VWF: variants seen among roughly 807,000 people sequenced by gnomAD.
The protein encoded by VWF is Factor VIII related antigen.
VWF carries 176 observed loss-of-function variants against 308.6 expected under a neutral mutation model. The ratio of observed to expected loss-of-function variants is 0.57; its 90% CI spans 0.50 to 0.65. The LOEUF (loss-of-function observed/expected upper bound fraction) is 0.65. VWF is among the 30% of genes least tolerant of loss of function. VWF has a pLI of 0.00. For missense variants in VWF, 3,146 were observed against 3,648.2 expected (o/e 0.86, Z 3.55); for synonymous variants, 1,385 against 1,443.4 (o/e 0.96, Z 0.92).
chr12:5,978,382 C>T (rs1943555398), intron 42 of VWF, among the ~76,000 whole-genome samples: 1 of 152,156 alleles, frequency 6.6e-6, no homozygotes, highest in African/African-American at 2.4e-5. Context: ...CCTGCTTCAG[C>T]CTACAGAGTA....
chr12:5,988,444 G>C (rs887529623), intron 38 of VWF, among the ~76,000 whole-genome samples: 7 of 152,160 alleles, frequency 4.6e-5, no homozygotes, highest in African/African-American at 1.7e-4. Flanking sequence ...GAAGGAGAGA[G>C]TCATGTTCTG....
rs1218172394 is a variant in VWF, at chr12:6,058,374, C to T, written c.1534-330G>A. Reference sequence around the variant, plus strand: ...TTGCCTAAGGTCAGGGAGGTAGTGGCGGAGCTAGGGTGAGTAGGCAGGTTG... The same window carrying T: ...TTGCCTAAGGTCAGGGAGGTAGTGGTGGAGCTAGGGTGAGTAGGCAGGTTG... On this transcript the variant is annotated intron_variant, in intron 13 of 51. Transcript: ENST00000261405. The surrounding 1 kb of genome is among the most constrained non-coding windows in gnomAD (Gnocchi z 4.9). Among the ~76,000 whole-genome samples the T allele has an allele frequency of 3.3e-5, 5 of 152,150 alleles. No individual in the cohort carries two copies. The highest frequency in any genetic ancestry group is 1.9e-4 in the East Asian group (1 of 5,170).
intron 18 of VWF, among the ~76,000 whole-genome samples, chr12:6,039,210 A>G (rs1232411301): frequency 6.6e-6 from 1 of 152,260 alleles, no homozygotes; most frequent in Admixed American, 6.5e-5. Context: ...CTTCAGAAGA[A>G]AGCCTGGCAA....
At chr12:6,051,147 G>A (rs1480436480) in intron 16 of VWF, among the ~76,000 whole-genome samples, 1 of 152,122 alleles carries the variant, frequency 6.6e-6, no homozygotes, top group African/African-American at 2.4e-5. Context: ...CCACACAGCA[G>A]AGGAGTCAAT....
intron 5 of VWF, among the ~76,000 whole-genome samples, chr12:6,103,517 CACAT>C (rs1210456018): frequency 5.7e-4 from 77 of 136,078 alleles, no homozygotes; most frequent in African/African-American, 2.2e-3. Context: ...TATATATACA[CACAT>C]ATGTGTATAT....
chr12:5,951,143 A>G (rs768147995), intron 50 of VWF, among the ~76,000 whole-genome samples: 18 of 152,200 alleles, frequency 1.2e-4, no homozygotes, highest in Non-Finnish European at 2.2e-4. Context: ...TTATGGCATT[A>G]GCATTGGGAT....
rs116552412 is a variant in VWF at position 6,061,373 on chromosome 12, T to C, written c.1533+1581A>G. On this transcript the variant is annotated intron_variant, in intron 13 of 51. Transcript: ENST00000261405. ...CAAGTTACTCCTGCTCCAGAAATAA[T>C]GGCTCTTTATTTCCTACTGGAAAAG... Among the ~76,000 whole-genome samples, 774 of 150,356 alleles carry C rather than the reference T, an allele frequency of 5.1e-3. 8 individuals carry two copies. Among genetic ancestry groups the C allele is most frequent in the African/African-American group, 0.018 (712 of 40,332 alleles).
rs150747784 is a variant in VWF at position 6,031,694 on chromosome 12, G to A, written c.2686-116C>T. 1,266 of 1,514,802 alleles carry A rather than the reference G, an allele frequency of 8.4e-4. 2 individuals are homozygous for A. Among genetic ancestry groups the A allele is most frequent in the Non-Finnish European group, 1.1e-3 (1,183 of 1,101,156 alleles). The allele number at this position is 1,514,802 out of a possible 1,614,324, so 93.8% of individuals were successfully genotyped here. A position where few individuals can be genotyped will look rare whatever the true frequency, so the allele number is the denominator to read the frequency against. On this transcript the variant is annotated intron_variant, in intron 20 of 51. Transcript: ENST00000261405. ...AGTACGTGTCACAGGATCTTGCCAC[G>A]TCCATGGCTGCGCATATGTGCCTCT... is the stretch of plus-strand genomic sequence containing the variant.
intron 5 of VWF, among the ~76,000 whole-genome samples, chr12:6,107,274 T>C (rs941340128): frequency 4.6e-5 from 7 of 152,182 alleles, no homozygotes; most frequent in Admixed American, 4.6e-4. Context: ...GGGGGAAGAT[T>C]TGACTACAAA....
At chr12:6,115,996 C>T (rs1945360786) in intron 3 of VWF, among the ~76,000 whole-genome samples, 1 of 152,198 alleles carries the variant, frequency 6.6e-6, no homozygotes, top group Admixed American at 6.5e-5. Context: ...TCTAGGATTG[C>T]ACTAATCACT....
intron 40 of VWF, among the ~76,000 whole-genome samples, chr12:5,983,611 GGGTA>G (rs1328818293): frequency 6.6e-6 from 1 of 151,814 alleles, no homozygotes; most frequent in Non-Finnish European, 1.5e-5. Flanking sequence ...ATAAAACATA[GGGTA>G]GATAGACAGA....
chr12:6,019,665 C>T lies in VWF; in HGVS notation c.3753G>A (p.Pro1251=), dbSNP rs527609551. The T allele has an allele frequency of 1.1e-5, 17 of 1,613,818 alleles. No individual in the cohort carries two copies. The highest frequency in any genetic ancestry group is 3.3e-5 in the Admixed American group (2 of 60,012). Residue 1251 remains proline (P), a synonymous_variant, in exon 28 of 52, where the codon CCG becomes CCA. Coordinates refer to ENST00000261405, the MANE Select transcript of VWF (RefSeq NM_000552.5). The surrounding 1 kb of genome is among the most constrained non-coding windows in gnomAD (Gnocchi z 5.8). ...CCACATACAGAGTGGTGGGGCTCAC[C>T]GGGGCATCTGTGGGAGGCACCACCA... is the stretch of plus-strand genomic sequence containing the variant. ...GGLVVPPTDA[P]VSPTTLYVED... is the part of the protein sequence containing the mutation.
At chr12:6,065,625 C>T (rs1383530234) in intron 10 of VWF, among the ~76,000 whole-genome samples, 3 of 152,334 alleles carry the variant, frequency 2.0e-5, no homozygotes, top group Non-Finnish European at 4.4e-5. Context: ...CCATGTCCCA[C>T]GCTACCTGCT....
At chr12:5,992,414 A>G (rs1216879818) in intron 37 of VWF, among the ~76,000 whole-genome samples, 8 of 152,116 alleles carry the variant, frequency 5.3e-5, no homozygotes, top group Non-Finnish European at 1.2e-4. Context: ...TCCATCTTAG[A>G]CCATGAAGAA....
chr12:5,989,448 G>A (rs566077413), intron 38 of VWF, among the ~76,000 whole-genome samples: 61 of 152,246 alleles, frequency 4.0e-4, no homozygotes, highest in African/African-American at 1.4e-3. Context: ...GAAAATGCAC[G>A]TGGCTGGATA....
intron 42 of VWF, among the ~76,000 whole-genome samples, chr12:5,979,892 T>G (rs2136368012): frequency 6.7e-6 from 1 of 149,402 alleles, no homozygotes; most frequent in East Asian, 2.0e-4. Context: ...ATACAAAAAA[T>G]TAGCCGGGCG....
At position 5,964,274 on chromosome 12, in the gene VWF, G is replaced by GCATACATACATA. The variant is rs59202475; in HGVS notation, c.7887+3211_7887+3212insTATGTATGTATG. 4.0e-3 allele frequency among the ~76,000 whole-genome samples: 538 copies of GCATACATACATA among 134,772 alleles called. 4 individuals carry two copies. Among genetic ancestry groups the GCATACATACATA allele is most frequent in the African/African-American group, 0.015 (493 of 32,394 alleles). 88.4% of individuals were successfully genotyped at this position (134,772 alleles called of 152,430 possible). On this transcript the variant is annotated intron_variant, in intron 47 of 51. Transcript: ENST00000261405. ...TGCATACATACATACATACATACAT[G>GCATACATACATA]CATACATACATGCATACATACATAC...
chr12:6,040,990 G>A (rs1371769019), intron 18 of VWF, among the ~76,000 whole-genome samples: 3 of 152,252 alleles, frequency 2.0e-5, no homozygotes, highest in Non-Finnish European at 2.9e-5. Flanking sequence ...GCCAGGGCCA[G>A]CCTGTGAGGA....
Position 6,031,572 on chromosome 12 carries a change from A to G in VWF, c.2692T>C (p.Cys898Arg). Residue 898 changes from cysteine (C) to arginine (R), a missense_variant, in exon 21 of 52, where the codon TGC becomes CGC. By Grantham distance (180) the Cys-to-Arg change is radical. Around this residue, in one of 3 missense-constraint regions of VWF, gnomAD observed 1,304 missense variants for 1,353.0 expected, o/e 0.96. Transcript: ENST00000261405. The stretch of plus-strand genomic sequence containing the variant: ...CGAAAGGTCCCAGGGTTACTGCCGC[A>G]GTAATCCTGGGGAAAGAGGAGTGCC... ...ECQYVLVQDY[C>R]GSNPGTFRIL... The G allele has an allele frequency of 1.2e-6, 2 of 1,614,132 alleles. No homozygotes were observed. The highest frequency in any genetic ancestry group is 1.7e-6 in the Non-Finnish European group (2 of 1,180,022).
Sources: allele counts gnomAD v4.1 joint callset (sites outside exome capture counted in the v4.1 genomes callset), GRCh38; gene constraint gnomAD v4.1.1; regional missense constraint gnomAD v4.1.1; non-coding constraint Gnocchi (gnomAD v3.1); transcripts MANE v1.5; gene names NCBI Gene and HGNC (gene_info 2026-07-23, HGNC 2026-07-21).